The following HS6ST3 variants were observed in gnomAD, a reference collection of about 807,000 sequenced individuals.
HS6ST3 encodes the protein heparan-sulfate 6-O-sulfotransferase 3.
In HS6ST3, 12 loss-of-function variants were observed where a neutral mutation model predicts 36.7. The ratio of observed to expected loss-of-function variants is 0.33; its 90% CI spans 0.21 to 0.53. HS6ST3 has a LOEUF of 0.53. Ranked by LOEUF, HS6ST3 falls within the 20% of genes least tolerant of loss-of-function variation. The pLI, the probability that HS6ST3 is intolerant of heterozygous loss-of-function variation, is 0.95. For missense variants in HS6ST3, 584 were observed against 640.9 expected, an observed-to-expected ratio of 0.91 and a Z score of 0.96; for synonymous variants, 240 against 257.5, an observed-to-expected ratio of 0.93 and a Z score of 0.65.
intron 1 of HS6ST3, among the ~76,000 whole-genome samples, chr13:96,374,539 C>G (rs1184215767): frequency 6.6e-6 from 1 of 152,166 alleles, no homozygotes; most frequent in Non-Finnish European, 1.5e-5. Flanking sequence ...TTCAAGTCAT[C>G]CCTCCAATGG....
chr13:96,112,578 A>AATATACATATACAT (rs397773858), intron 1 of HS6ST3, among the ~76,000 whole-genome samples: 2 of 81,248 alleles, frequency 2.5e-5, no homozygotes, highest in African/African-American at 4.9e-5. Context: ...AAAATAAATA[A>AATATACATATACAT]ATATATATAT....
intron 1 of HS6ST3, among the ~76,000 whole-genome samples, chr13:96,738,197 C>A (rs995487643): frequency 6.6e-6 from 1 of 152,122 alleles, no homozygotes; most frequent in African/African-American, 2.4e-5. Flanking sequence ...AGATGTGGAT[C>A]AATAGGCATT....
At chr13:96,557,181 A>G (rs1294437504) in intron 1 of HS6ST3, among the ~76,000 whole-genome samples, 1 of 152,202 alleles carries the variant, frequency 6.6e-6, no homozygotes, top group Non-Finnish European at 1.5e-5. Context: ...GTATAGGCTC[A>G]TTGTACCCTT....
Position 96,095,863 on chromosome 13 carries a change from GGTGTGTGTGTGTGTGTGTGTGTGT to G in HS6ST3, c.707+4311_707+4334del, listed in dbSNP as rs141939376. 1.4e-5 allele frequency among the ~76,000 whole-genome samples: 2 copies of G among 140,316 alleles called. 1 individual carries two copies. Among genetic ancestry groups the G allele is most frequent in the African/African-American group, 5.4e-5 (2 of 36,768 alleles). 92.1% of individuals were successfully genotyped at this position (140,316 alleles called of 152,430 possible). A position where few individuals can be genotyped will look rare whatever the true frequency, so the allele number is the denominator to read the frequency against. ...GTATCACAGAACCATTTATATGACT[GGTGTGTGTGTGTGTGTGTGTGTGT>G]GTGTGTGTGTGTGTGTTATCAGGAA... is the stretch of plus-strand genomic sequence containing the variant. On this transcript the variant is annotated intron_variant, in intron 1 of 1. Transcript: ENST00000376705.
intron 1 of HS6ST3, among the ~76,000 whole-genome samples, chr13:96,585,037 CTG>C (rs890607160): frequency 3.9e-5 from 6 of 152,138 alleles, no homozygotes; most frequent in African/African-American, 1.4e-4. Context: ...AGTGGGGTAA[CTG>C]TATCAATGGG....
At chr13:96,258,175 T>G (rs896400983) in intron 1 of HS6ST3, among the ~76,000 whole-genome samples, 1 of 152,206 alleles carries the variant, frequency 6.6e-6, no homozygotes, top group Non-Finnish European at 1.5e-5. Context: ...GGATTTAGTA[T>G]GTCTATTGTT....
chr13:96,334,774 A>G (rs2055091701), intron 1 of HS6ST3, among the ~76,000 whole-genome samples: 1 of 152,142 alleles, frequency 6.6e-6, no homozygotes, highest in African/African-American at 2.4e-5. Context: ...CCCTCCCACA[A>G]CACTTGAGAA....
intron 1 of HS6ST3, among the ~76,000 whole-genome samples, chr13:96,728,683 G>A (rs1478286130): frequency 6.6e-6 from 1 of 152,062 alleles, no homozygotes; most frequent in African/African-American, 2.4e-5. Context: ...GCATTATCTT[G>A]GAACCCAGTC....
intron 1 of HS6ST3, among the ~76,000 whole-genome samples, chr13:96,499,799 G>T (rs1213185414): frequency 6.6e-6 from 1 of 152,134 alleles, no homozygotes; most frequent in Non-Finnish European, 1.5e-5. Context: ...CCAAGTGTGG[G>T]TGGGAGGGTG....
At position 96,835,882 on chromosome 13, in the gene HS6ST3, G is replaced by A. The variant is rs1255042003; in HGVS notation, c.*2684G>A. 1 of 152,156 alleles carries A rather than the reference G, an allele frequency of 6.6e-6. No individual in the cohort carries two copies. Among genetic ancestry groups the A allele is most frequent in the Non-Finnish European group, 1.5e-5 (1 of 68,028 alleles). 9.4% of individuals were successfully genotyped at this position (152,156 alleles called of 1,614,324 possible). A position where few individuals can be genotyped will look rare whatever the true frequency, so the allele number is the denominator to read the frequency against. ...GACCAGGTATCAGGATGTTCAGAGG[G>A]AGCCAGCTCTTTATGTTGGCCCCAG... is the stretch of plus-strand genomic sequence containing the variant. On this transcript the variant is annotated 3_prime_UTR_variant, in exon 2 of 2. Coordinates refer to ENST00000376705, the MANE Select transcript of HS6ST3 (RefSeq NM_153456.4).
intron 1 of HS6ST3, among the ~76,000 whole-genome samples, chr13:96,154,782 A>G (rs2054102820): frequency 6.6e-6 from 1 of 152,154 alleles, no homozygotes; most frequent in South Asian, 2.1e-4. Flanking sequence ...TTTTTAATAA[A>G]GAGTCAGGAT....
At chr13:96,441,252 C>T (rs946762237) in intron 1 of HS6ST3, among the ~76,000 whole-genome samples, 3 of 151,666 alleles carry the variant, frequency 2.0e-5, no homozygotes, top group African/African-American at 7.3e-5. Context: ...TACAGTGGCC[C>T]AAACTAAGAT....
chr13:96,139,075 A>T (rs1233810507), intron 1 of HS6ST3, among the ~76,000 whole-genome samples: 4 of 152,164 alleles, frequency 2.6e-5, no homozygotes, highest in African/African-American at 9.6e-5. Context: ...TTTATAATGC[A>T]TTTCCACTTG....
At chr13:96,688,863 A>G (rs1185593614) in intron 1 of HS6ST3, among the ~76,000 whole-genome samples, 1 of 151,950 alleles carries the variant, frequency 6.6e-6, no homozygotes, top group Non-Finnish European at 1.5e-5. Flanking sequence ...TCTCTCTCTG[A>G]GCATCCTCCT....
intron 1 of HS6ST3, among the ~76,000 whole-genome samples, chr13:96,138,878 A>G (rs1296512519): frequency 6.6e-6 from 1 of 152,198 alleles, no homozygotes; most frequent in Non-Finnish European, 1.5e-5. Context: ...ATTAACATGT[A>G]TAGAAAAAAA....
intron 1 of HS6ST3, among the ~76,000 whole-genome samples, chr13:96,790,636 C>T (rs1877764867): frequency 1.3e-5 from 2 of 152,042 alleles, no homozygotes; most frequent in South Asian, 4.1e-4. Flanking sequence ...GATTTTCCAT[C>T]TATTTATTTA....
At chr13:96,641,995 T>C (rs2056571900) in intron 1 of HS6ST3, among the ~76,000 whole-genome samples, 1 of 151,894 alleles carries the variant, frequency 6.6e-6, no homozygotes, top group African/African-American at 2.4e-5. Context: ...TCTCTTTATG[T>C]GGATTTGAAT....
At chr13:96,417,792 A>T (rs2055542145) in intron 1 of HS6ST3, among the ~76,000 whole-genome samples, 2 of 150,834 alleles carry the variant, frequency 1.3e-5, no homozygotes, top group African/African-American at 4.9e-5. Context: ...CACGGTAACG[A>T]TGTTCTATAA....
At chr13:96,660,158 T>C (rs918003741) in intron 1 of HS6ST3, among the ~76,000 whole-genome samples, 8 of 152,080 alleles carry the variant, frequency 5.3e-5, no homozygotes, top group African/African-American at 1.9e-4. Flanking sequence ...TATTTTGTAG[T>C]GTGAAATGCA....
Sources: allele counts gnomAD v4.1 joint callset (sites outside exome capture counted in the v4.1 genomes callset), GRCh38; gene constraint gnomAD v4.1.1; transcripts MANE v1.5; gene names NCBI Gene and HGNC (gene_info 2026-07-23, HGNC 2026-07-21).